Variants in PMEPA1 observed in about 807,000 individuals in gnomAD.
PMEPA1 encodes the protein prostate transmembrane protein, androgen induced 1.
Under a neutral mutation model 23.0 loss-of-function variants are expected in PMEPA1, and 11 were observed. The observed-to-expected ratio is 0.48, with a 90% CI of 0.30 to 0.79. The LOEUF is 0.79. PMEPA1 is among the 30% of genes least tolerant of loss of function. The pLI is 0.06. For synonymous variants in PMEPA1, 204 were observed against 166.4 expected (o/e 1.23, Z -1.74); for missense variants, 377 against 390.9 (o/e 0.96, Z 0.30).
chr20:57,677,925 G>A lies in PMEPA1; in HGVS notation c.110-18228C>T, dbSNP rs982100176. Reference sequence around the variant, plus strand: ...CGTGGAGACATCTTCAGAGAATTACGTTAAGTGAAAAAAGCCAATTTCAAA... The same window carrying A: ...CGTGGAGACATCTTCAGAGAATTACATTAAGTGAAAAAAGCCAATTTCAAA... On this transcript the variant is annotated intron_variant, in intron 1 of 3. Transcript: ENST00000341744. Among the ~76,000 whole-genome samples, 9 of 152,306 alleles carry A rather than the reference G, an allele frequency of 5.9e-5. No individual in the cohort carries two copies. The South Asian group carries it at 8.3e-4, about 14-fold the overall frequency.
At chr20:57,680,359 C>G (rs949771716) in intron 1 of PMEPA1, among the ~76,000 whole-genome samples, 2 of 152,192 alleles carry the variant, frequency 1.3e-5, no homozygotes, top group African/African-American at 4.8e-5. Flanking sequence ...GATTTTGCCC[C>G]AGGGGACATC....
intron 1 of PMEPA1, among the ~76,000 whole-genome samples, chr20:57,678,339 T>C (rs1337868108): frequency 2.6e-5 from 4 of 152,242 alleles, no homozygotes; most frequent in Non-Finnish European, 4.4e-5. Context: ...TACAACCGCA[T>C]GCTAACAAAC....
In PMEPA1 at chr20:57,686,142, C is replaced by T. The variant is rs912382133; in HGVS notation, c.109+23332G>A. Among the ~76,000 whole-genome samples, 10 of 152,180 alleles carry T rather than the reference C, an allele frequency of 6.6e-5. No individual in the cohort carries two copies. The East Asian group carries it at 9.6e-4, about 15-fold the overall frequency. The stretch of plus-strand genomic sequence containing the variant: ...TCCCAGAGCCTCAACACAAGCCGTG[C>T]GCTGACCTCTCCTTCAGGTTACACT... On this transcript the variant is annotated intron_variant, in intron 1 of 3. Transcript: ENST00000341744.
intron 1 of PMEPA1, among the ~76,000 whole-genome samples, chr20:57,680,816 A>T (rs2071702395): frequency 6.6e-6 from 1 of 152,226 alleles, no homozygotes; most frequent in African/African-American, 2.4e-5. Flanking sequence ...TCACCGATCA[A>T]CGCACACTGG....
intron 1 of PMEPA1, among the ~76,000 whole-genome samples, chr20:57,676,660 G>T (rs2071640546): frequency 1.3e-5 from 2 of 152,222 alleles, no homozygotes; most frequent in African/African-American, 4.8e-5. Flanking sequence ...GGGCCGACTG[G>T]CTGGGGATCA....
At chr20:57,662,164 T>C (rs1309825763) in intron 1 of PMEPA1, among the ~76,000 whole-genome samples, 1 of 152,172 alleles carries the variant, frequency 6.6e-6, no homozygotes, top group East Asian at 1.9e-4. Flanking sequence ...GGAGCCATTT[T>C]TGGTTGTCAC....
At position 57,704,460 on chromosome 20, in the gene PMEPA1, C is replaced by CA. The variant is rs752088457; in HGVS notation, c.109+5013dup. On this transcript the variant is annotated intron_variant, in intron 1 of 3. Transcript: ENST00000341744. The surrounding 1 kb of genome is among the most constrained non-coding windows in gnomAD (Gnocchi z 4.6). Reference sequence around the variant, plus strand: ...GCGTTACGCAACACTTTGTAAAAAGCAAAAAATGGGCCCTCGGCTTCAATC... The same window carrying CA: ...GCGTTACGCAACACTTTGTAAAAAGCAAAAAAATGGGCCCTCGGCTTCAATC... Among the ~76,000 whole-genome samples, 16 of 152,222 alleles carry CA rather than the reference C, an allele frequency of 1.1e-4. No individual in the cohort carries two copies. Among genetic ancestry groups the CA allele is most frequent in the Non-Finnish European group, 1.6e-4 (11 of 67,982 alleles).
Position 57,652,571 on chromosome 20 carries a change from T to C in PMEPA1, c.346A>G (p.Thr116Ala). The change falls in exon 4 of 4, where the codon ACC becomes GCC. Residue 116 changes from threonine (T) to alanine (A), a missense_variant. By Grantham distance (58) the Thr-to-Ala change is moderately conservative. This residue lies in a region of PMEPA1 where 198 missense variants were observed against 196.3 expected (regional missense o/e 1.01). Coordinates refer to ENST00000341744, the MANE Select transcript of PMEPA1 (RefSeq NM_020182.5). The surrounding 1 kb of genome is among the most constrained non-coding windows in gnomAD (Gnocchi z 6.1). ...AAGGGCGGCACGGCCAGGCGGTCGG[T>C]GGGCCGAGGCGGGGCGTAGACCTGC... ...EPQVYAPPRPTDRLAVPPFAQ... is the reference protein window; with the variant it reads ...EPQVYAPPRPADRLAVPPFAQ... 1 of 1,512,590 alleles carries C rather than the reference T, an allele frequency of 6.6e-7. No homozygotes were observed. The highest frequency in any genetic ancestry group is 1.3e-5 in the South Asian group (1 of 75,626). 93.7% of individuals were successfully genotyped at this position (1,512,590 alleles called of 1,614,324 possible).
At chr20:57,663,746 C>T (rs760042465) in intron 1 of PMEPA1, among the ~76,000 whole-genome samples, 2 of 152,198 alleles carry the variant, frequency 1.3e-5, no homozygotes, top group Non-Finnish European at 2.9e-5. Context: ...CTCCTGGATG[C>T]CCCTGGACAT....
chr20:57,710,371 C>G (rs1478687378), upstream of PMEPA1: 2 of 1,381,534 alleles, frequency 1.4e-6, no homozygotes, highest in Non-Finnish European at 2.0e-6. Flanking sequence ...GCTCTTGGGG[C>G]TAGCCTATCT....
intron 1 of PMEPA1, among the ~76,000 whole-genome samples, chr20:57,708,669 G>A (rs894424346): frequency 6.6e-6 from 1 of 152,056 alleles, no homozygotes; most frequent in South Asian, 2.1e-4. Context: ...TAGGTGCGTC[G>A]GGGACACAGA....
upstream of PMEPA1, chr20:57,711,279 A>T (rs920912590): frequency 3.3e-5 from 5 of 152,286 alleles, no homozygotes; most frequent in African/African-American, 4.8e-5. Context: ...AGAGAAGGAA[A>T]AGCTGGAATT....
intron 1 of PMEPA1, among the ~76,000 whole-genome samples, chr20:57,691,240 G>A (rs754282791): frequency 8.5e-5 from 13 of 152,168 alleles, no homozygotes; most frequent in Non-Finnish European, 1.8e-4. Flanking sequence ...ACCCATTAGC[G>A]AGGTTCCTAA....
chr20:57,701,071 A>T (rs1262189264), intron 1 of PMEPA1, among the ~76,000 whole-genome samples: 1 of 152,136 alleles, frequency 6.6e-6, no homozygotes, highest in Non-Finnish European at 1.5e-5. Context: ...CATCAAAAAA[A>T]AAAAGAGAAG....
intron 1 of PMEPA1, among the ~76,000 whole-genome samples, chr20:57,694,946 TTTC>T (rs779391158): frequency 2.0e-4 from 31 of 152,230 alleles, no homozygotes; most frequent in African/African-American, 4.3e-4. Flanking sequence ...ACACTGCTCT[TTTC>T]TTCTTCTTCT....
At position 57,655,608 on chromosome 20, in the gene PMEPA1, G is replaced by A. The variant is rs1600772716; in HGVS notation, c.265-2522C>T. 1.3e-5 allele frequency among the ~76,000 whole-genome samples: 2 copies of A among 152,268 alleles called. No individual in the cohort carries two copies. Among genetic ancestry groups the A allele is most frequent in the African/African-American group, 2.4e-5 (1 of 41,562 alleles). ...TGTCTGGAACCTTCCCCAGCCTCTG[G>A]CTATGTCTGCCAGTCACCCCAGGTG... On this transcript the variant is annotated intron_variant, in intron 2 of 3. Transcript: ENST00000341744. This position sits in a 1 kb window ranked among gnomAD's most constrained non-coding sequence, Gnocchi z 4.2.
intron 1 of PMEPA1, among the ~76,000 whole-genome samples, chr20:57,699,124 G>C (rs954924777): frequency 5.3e-5 from 8 of 152,184 alleles, no homozygotes; most frequent in Non-Finnish European, 1.2e-4. Flanking sequence ...GGCTCGAACC[G>C]AATCTTGTTG....
intron 1 of PMEPA1, among the ~76,000 whole-genome samples, chr20:57,707,573 A>C (rs2072106625): frequency 6.6e-6 from 1 of 152,086 alleles, no homozygotes; most frequent in African/African-American, 2.4e-5. Flanking sequence ...GGCATTTAAC[A>C]AGAGGCCTTG....
At position 57,665,133 on chromosome 20, in the gene PMEPA1, T is replaced by C. The variant is rs151220669; in HGVS notation, c.110-5436A>G. Among the ~76,000 whole-genome samples, 1,127 of 152,322 alleles carry C rather than the reference T, an allele frequency of 7.4e-3. 5 individuals carry two copies. Among genetic ancestry groups the C allele is most frequent in the Non-Finnish European group, 0.013 (859 of 68,024 alleles). On this transcript the variant is annotated intron_variant, in intron 1 of 3. Transcript: ENST00000341744. ...GGAGAGGGCACACCCAAACTCACTGTAGTCACTGTAAGTATTGTCATGATT... is the reference window on the plus strand; with the variant it reads ...GGAGAGGGCACACCCAAACTCACTGCAGTCACTGTAAGTATTGTCATGATT...
Sources: allele counts gnomAD v4.1 joint callset (sites outside exome capture counted in the v4.1 genomes callset), GRCh38; gene constraint gnomAD v4.1.1; regional missense constraint gnomAD v4.1.1; non-coding constraint Gnocchi (gnomAD v3.1); transcripts MANE v1.5; gene names NCBI Gene and HGNC (gene_info 2026-07-23, HGNC 2026-07-21).